Variants in COL6A3 observed in about 807,000 individuals in gnomAD.
The protein encoded by COL6A3 is collagen type VI alpha 3 chain, also known as collagen alpha-3(VI) chain.
COL6A3 carries 137 observed loss-of-function variants against 274.1 expected under a neutral mutation model. The ratio of observed to expected loss-of-function variants is 0.50; its 90% CI spans 0.44 to 0.58. COL6A3 has a LOEUF of 0.58. Ranked by LOEUF, COL6A3 falls within the 20% of genes least tolerant of loss-of-function variation. The pLI, the probability that COL6A3 is intolerant of heterozygous loss-of-function variation, is 0.00. For missense variants in COL6A3, 3,950 were observed against 4,124.9 expected, an observed-to-expected ratio of 0.96 and a Z score of 1.16; for synonymous variants, 1,650 against 1,650.6, an observed-to-expected ratio of 1.00 and a Z score of 0.01.
chr2:237,340,308 T>C (rs2076957380), intron 38 of COL6A3, 144 bp downstream of exon 38: 3 of 755,144 alleles, frequency 4.0e-6, no homozygotes, highest in Non-Finnish European at 4.5e-6. Context: ...TTGTGGCATA[T>C]GGCAGGTGTC....
chr2:237,360,107 G>T lies in COL6A3; in HGVS notation c.6263C>A (p.Pro2088Gln), dbSNP rs113896755. ...CCTCACCTTTACTCCTCTCTGGCCC[G>T]GGCAGCCCTGGAAACCTTGAGTGCC... ...VNGTQGFQGC[P>Q]GQRGVKGSRG... is the part of the protein sequence containing the mutation. The change falls in exon 17 of 44, where the codon CCG becomes CAG. Residue 2088 changes from proline to glutamine, a missense_variant. By Grantham distance (76) the Pro-to-Gln change is moderately conservative. Transcript: ENST00000295550. 2 of 1,613,998 alleles carry T rather than the reference G, an allele frequency of 1.2e-6. No homozygotes were observed.
rs757378213 is a variant in COL6A3 at position 237,340,503 on chromosome 2, T to C, written c.8413A>G (p.Asn2805Asp). The change falls in exon 38 of 44, where the codon AAC (asparagine) becomes GAC (aspartate). Residue 2805 changes from asparagine (N) to aspartate (D), a missense_variant. Transcript: ENST00000295550. Reference sequence around the variant, plus strand: ...CCGAAGCGCATCAAAGGCTCCTCGTTGAGCTCGGTGGACTTGTCCACTAAT... The same window carrying C: ...CCGAAGCGCATCAAAGGCTCCTCGTCGAGCTCGGTGGACTTGTCCACTAAT... ...FKLVDKSTELNEEPLMRFGRL... is the reference protein window; with the variant it reads ...FKLVDKSTELDEEPLMRFGRL... The C allele has an allele frequency of 1.9e-6, 3 of 1,613,984 alleles. No homozygotes were observed. The African/African-American group carries it at 4.0e-5, about 22-fold the overall frequency.
chr2:237,358,058 G>A lies in COL6A3; in HGVS notation c.6472-176C>T, dbSNP rs116814673. Among the ~76,000 whole-genome samples the A allele has an allele frequency of 0.017, 2,661 of 152,250 alleles. 79 individuals carry two copies. Among genetic ancestry groups the A allele is most frequent in the African/African-American group, 0.061 (2,528 of 41,534 alleles). On this transcript the variant is annotated intron_variant, in intron 21 of 43. Transcript: ENST00000295550. ...TGCAGGTCTTACGAAACCCAATCAC[G>A]GGATCAGCAAAGCACTCTTAGCCCC...
intron 1 of COL6A3, among the ~76,000 whole-genome samples, chr2:237,406,759 A>C (rs1368885935): frequency 6.6e-6 from 1 of 152,170 alleles, no homozygotes; most frequent in Non-Finnish European, 1.5e-5. Context: ...GGAATTTAAT[A>C]TGCTCTTGGT....
rs192930227 is a variant in COL6A3, at chr2:237,366,957, G to A, written c.5230C>T (p.Pro1744Ser). 1.2e-5 allele frequency: 19 copies of A among 1,614,240 alleles called. No individual in the cohort carries two copies. The highest frequency in any genetic ancestry group is 4.5e-5 in the East Asian group (2 of 44,890). The change falls in exon 11 of 44, where the codon CCT becomes TCT. Residue 1744 changes from proline (P) to serine (S), a missense_variant. Pro to Ser is a moderately conservative substitution (Grantham distance 74). This residue lies in a region of COL6A3 where 632 missense variants were observed against 623.4 expected (regional missense o/e 1.01). Coordinates refer to ENST00000295550, the MANE Select transcript of COL6A3 (RefSeq NM_004369.4). ...CCCGTGATCACAAAGGCAATCTGAGGGACCCGCTGGTCCAGGCGGCTGCCT... is the reference window on the plus strand; with the variant it reads ...CCCGTGATCACAAAGGCAATCTGAGAGACCCGCTGGTCCAGGCGGCTGCCT... The part of the protein sequence containing the change: ...EAGSRLDQRV[P>S]QIAFVITGGK...
Position 237,361,768 on chromosome 2 carries a change from G to C in COL6A3, c.6127C>G (p.Arg2043Gly), listed in dbSNP as rs1001689383. Residue 2043 changes from arginine (R) to glycine (G), a missense_variant, in exon 15 of 44, where the codon CGC becomes GGC. Coordinates refer to ENST00000295550, the MANE Select transcript of COL6A3 (RefSeq NM_004369.4). The surrounding 1 kb of genome is among the most constrained non-coding windows in gnomAD (Gnocchi z 5.1). ...GGCCCGATGCTGCCGATGGGCCCGCGGTCTCCCCTCTGCCCAGAGCACTTG... is the reference window on the plus strand; with the variant it reads ...GGCCCGATGCTGCCGATGGGCCCGCCGTCTCCCCTCTGCCCAGAGCACTTG... ...PCKCSGQRGD[R>G]GPIGSIGPKG... The C allele has an allele frequency of 1.2e-6, 2 of 1,614,112 alleles. No homozygotes were observed. The highest frequency in any genetic ancestry group is 2.2e-5 in the East Asian group (1 of 44,874).
chr2:237,399,203 C>T (rs1182243520), intron 1 of COL6A3, among the ~76,000 whole-genome samples: 3 of 152,110 alleles, frequency 2.0e-5, no homozygotes. Flanking sequence ...TGAATTTGGG[C>T]TTTTTAGGAA....
At chr2:237,331,824 T>C (rs1700243369) in intron 42 of COL6A3, among the ~76,000 whole-genome samples, 1 of 151,194 alleles carries the variant, frequency 6.6e-6, no homozygotes, top group Non-Finnish European at 1.5e-5. Flanking sequence ...CATGAAATGG[T>C]GAGAGGACAT....
At position 237,363,838 on chromosome 2, in the gene COL6A3, G is replaced by A. The variant is rs1028735677; in HGVS notation, c.5918-440C>T. Among the ~76,000 whole-genome samples the A allele has an allele frequency of 4.6e-5, 7 of 152,314 alleles. No homozygotes were observed. In the East Asian group the frequency reaches 1.4e-3, roughly 29 times the overall value. On this transcript the variant is annotated intron_variant, in intron 13 of 43. Transcript: ENST00000295550. Reference sequence around the variant, plus strand: ...CTGTAATGGCATCCACTTTCTGATAGTCAGTGCTACCAAACGCCAAAGCAA... The same window carrying A: ...CTGTAATGGCATCCACTTTCTGATAATCAGTGCTACCAAACGCCAAAGCAA...
intron 4 of COL6A3, among the ~76,000 whole-genome samples, chr2:237,384,846 C>T (rs1040815333): frequency 6.6e-6 from 1 of 152,140 alleles, no homozygotes; most frequent in African/African-American, 2.4e-5. Flanking sequence ...GCTTCTCATC[C>T]CCCTACAGCA....
Position 237,368,804 on chromosome 2 carries a change from C to A in COL6A3, c.4659G>T (p.Gln1553His), listed in dbSNP as rs2077615579. 1 of 1,614,106 alleles carries A rather than the reference C, an allele frequency of 6.2e-7. No individual in the cohort carries two copies. The highest frequency in any genetic ancestry group is 1.7e-5 in the Admixed American group (1 of 60,012). ...CCTGGGCGAACCTGGACACATCGTC[C>A]TGGGATTTTCCACCCAGGACCAGGA... ...HLVLVLGGKSQDDVSRFAQVI... is the reference protein window; with the variant it reads ...HLVLVLGGKSHDDVSRFAQVI... Residue 1553 changes from glutamine to histidine, a missense_variant, in exon 10 of 44, where the codon CAG becomes CAT. Physicochemically the swap from Gln to His is conservative, Grantham distance 24. Coordinates refer to ENST00000295550, the MANE Select transcript of COL6A3 (RefSeq NM_004369.4). This position sits in a 1 kb window ranked among gnomAD's most constrained non-coding sequence, Gnocchi z 4.4.
rs375285347 is a variant in COL6A3 at position 237,399,423 on chromosome 2, C to T, written c.-30-2576G>A. Among the ~76,000 whole-genome samples the T allele has an allele frequency of 6.6e-4, 101 of 152,288 alleles. 1 individual carries two copies. The East Asian group carries it at 0.012, about 18-fold the overall frequency. On this transcript the variant is annotated intron_variant, in intron 1 of 43. Transcript: ENST00000295550. Reference sequence around the variant, plus strand: ...GGTAGCCTGTTTGGTAAATGCCTGACGCGGAATGGATGGTAAGTGAACTCT... The same window carrying T: ...GGTAGCCTGTTTGGTAAATGCCTGATGCGGAATGGATGGTAAGTGAACTCT...
At chr2:237,358,665 TAAA>T (rs2077370715) in intron 20 of COL6A3, 82 bp from the exon 21 acceptor site, 2 of 1,224,334 alleles carry the variant, frequency 1.6e-6, no homozygotes, top group South Asian at 2.4e-5. Context: ...CTTCAACTCA[TAAA>T]TCTTAACTAG....
At position 237,387,802 on chromosome 2, in the gene COL6A3, G is replaced by C. The variant is rs548519047; in HGVS notation, c.1092C>G (p.Tyr364Ter). 1.2e-6 allele frequency: 2 copies of C among 1,614,122 alleles called. No homozygotes were observed. The highest frequency in any genetic ancestry group is 1.1e-5 in the South Asian group (1 of 91,066). ...TAGCCTGCTTCAGTGCTACCACCCCGTAGCGAATCTCGTCACTAGAAGGCC... is the reference window on the plus strand; with the variant it reads ...TAGCCTGCTTCAGTGCTACCACCCCCTAGCGAATCTCGTCACTAGAAGGCC... ...SAGPSSDEIRYGVVALKQASV... is the reference protein window; with the variant it reads ...SAGPSSDEIR Residue 364 changes from tyrosine (Y) to a stop codon, truncating the protein, a stop_gained, in exon 4 of 44, where the codon TAC (tyrosine) becomes TAG (stop). Transcript: ENST00000295550. LOFTEE classifies it high-confidence loss of function.
At chr2:237,363,452 T>C (rs2077483459) in intron 13 of COL6A3, 54 bp from the exon 14 acceptor site, 1 of 1,603,072 alleles carries the variant, frequency 6.2e-7, no homozygotes, top group Non-Finnish European at 8.5e-7. Context: ...GAAAATGCAA[T>C]GTCCTTTTTT....
intron 3 of COL6A3, 45 bp from the exon 4 acceptor site, chr2:237,388,229 G>C (rs1390218836): frequency 6.2e-7 from 1 of 1,611,938 alleles, no homozygotes; most frequent in Non-Finnish European, 8.5e-7. Flanking sequence ...ATTAGAACAA[G>C]TGACCACATG....
intron 39 of COL6A3, among the ~76,000 whole-genome samples, chr2:237,337,208 G>A (rs1006673504): frequency 1.2e-4 from 18 of 152,022 alleles, no homozygotes; most frequent in African/African-American, 3.6e-4. Flanking sequence ...ACTTGTCCTA[G>A]GAAGTATTAA....
chr2:237,374,349 C>T lies in COL6A3; in HGVS notation c.3679+63G>A. On this transcript the variant is annotated intron_variant, in intron 8 of 43. Coordinates refer to ENST00000295550, the MANE Select transcript of COL6A3 (RefSeq NM_004369.4). This position sits in a 1 kb window ranked among gnomAD's most constrained non-coding sequence, Gnocchi z 4.8. ...AAAATTGAGAACACCTTGTGGCCCA[C>T]AGTCCAGACAAGTAGCCCCAGACAA... 1 of 1,599,346 alleles carries T rather than the reference C, an allele frequency of 6.3e-7. No individual in the cohort carries two copies. Among genetic ancestry groups the T allele is most frequent in the Non-Finnish European group, 8.5e-7 (1 of 1,177,558 alleles).
chr2:237,348,796 T>C, intron 28 of COL6A3, 133 bp from the exon 29 acceptor site: 7 of 766,428 alleles, frequency 9.1e-6, no homozygotes, highest in Non-Finnish European at 1.6e-5. Context: ...GGTACAGGAG[T>C]AGGCACACTT....
Sources: gnomAD v4.1 joint callset for allele counts (sites outside exome capture counted in the v4.1 genomes callset) on GRCh38, gnomAD v4.1.1 for gene constraint, gnomAD v4.1.1 regional missense constraint, Gnocchi (gnomAD v3.1) non-coding constraint, MANE v1.5 for transcripts, NCBI Gene and HGNC (gene_info 2026-07-23, HGNC 2026-07-21) for gene names.